The following MAGOHB variants were observed in gnomAD, a reference collection of about 807,000 sequenced individuals.
MAGOHB encodes the protein mago homolog B, exon junction complex subunit, also known as protein mago nashi homolog 2.
MAGOHB carries 15 observed loss-of-function variants against 20.9 expected under a neutral mutation model. The observed-to-expected ratio is 0.72, with a 90% CI of 0.48 to 1.11. The LOEUF is 1.11. Ranked by LOEUF, MAGOHB falls within the 50% of genes least tolerant of loss-of-function variation. MAGOHB has a pLI of 0.00. For synonymous variants in MAGOHB, 50 were observed against 57.9 expected (o/e 0.86, Z 0.62); for missense variants, 162 against 177.6 (o/e 0.91, Z 0.50).
chr12:10,605,024 A>T lies in MAGOHB; in HGVS notation c.*1251T>A, dbSNP rs920462004. The T allele has an allele frequency of 1.3e-5, 2 of 152,228 alleles. No homozygotes were observed. The highest frequency in any genetic ancestry group is 2.9e-5 in the Non-Finnish European group (2 of 68,036). 9.4% of individuals were successfully genotyped at this position (152,228 alleles called of 1,614,324 possible). A position where few individuals can be genotyped will look rare whatever the true frequency, so the allele number is the denominator to read the frequency against. ...AAAACCAAGATTTATTATAATAGAG[A>T]TATTACAGTAAAAAAGATGTTAAGT... On this transcript the variant is annotated 3_prime_UTR_variant, in exon 5 of 5. Coordinates refer to ENST00000320756, the MANE Select transcript of MAGOHB (RefSeq NM_018048.5).
intron 4 of MAGOHB, among the ~76,000 whole-genome samples, chr12:10,607,649 G>T (rs1401641981): frequency 1.3e-5 from 2 of 152,128 alleles, no homozygotes; most frequent in African/African-American, 2.4e-5. Flanking sequence ...TGGATTAAAA[G>T]TTTTTGGACA....
At chr12:10,612,257 G>A (rs1414415691) in intron 1 of MAGOHB, among the ~76,000 whole-genome samples, 1 of 145,316 alleles carries the variant, frequency 6.9e-6, no homozygotes, top group Non-Finnish European at 1.5e-5. Context: ...TAATTAGCTG[G>A]GTGAGGTGGC....
chr12:10,601,740 AT>A (rs955953920), downstream of MAGOHB, among the ~76,000 whole-genome samples: 1 of 152,254 alleles, frequency 6.6e-6, no homozygotes, highest in Non-Finnish European at 1.5e-5. Flanking sequence ...ATCTATAAAA[AT>A]TTGAACAAGT....
chr12:10,601,735 T>C (rs998833232), downstream of MAGOHB, among the ~76,000 whole-genome samples: 2 of 152,236 alleles, frequency 1.3e-5, no homozygotes, highest in Admixed American at 6.5e-5. Flanking sequence ...TTCTTATCTA[T>C]AAAAATTTGA....
intron 1 of MAGOHB, among the ~76,000 whole-genome samples, chr12:10,612,273 C>T (rs1865761984): frequency 6.6e-6 from 1 of 151,580 alleles, no homozygotes; most frequent in South Asian, 2.1e-4. Context: ...GTGGCGTGGG[C>T]CTGTATTCCC....
downstream of MAGOHB, among the ~76,000 whole-genome samples, chr12:10,599,943 A>G (rs1471900028): frequency 2.0e-5 from 3 of 152,194 alleles, no homozygotes; most frequent in African/African-American, 7.2e-5. Context: ...TGAAATGTCT[A>G]TGTATAAAAA....
chr12:10,611,153 A>G (rs1865727134), intron 1 of MAGOHB, among the ~76,000 whole-genome samples: 1 of 152,200 alleles, frequency 6.6e-6, no homozygotes, highest in Non-Finnish European at 1.5e-5. Context: ...TCAGATCTAG[A>G]TCTACTTTCT....
downstream of MAGOHB, among the ~76,000 whole-genome samples, chr12:10,601,995 G>A (rs1865559211): frequency 6.6e-6 from 1 of 152,186 alleles, no homozygotes; most frequent in African/African-American, 2.4e-5. Flanking sequence ...GGCTTGGCGT[G>A]CTAGTGCCAC....
At chr12:10,609,234 A>C in intron 3 of MAGOHB, 1 of 315,860 alleles carries the variant, frequency 3.2e-6, no homozygotes, top group Middle Eastern at 4.1e-4. Flanking sequence ...GGGATATACA[A>C]AAGTGAAATT....
At chr12:10,613,272 C>T (rs1865783528) in intron 1 of MAGOHB, among the ~76,000 whole-genome samples, 167 bp downstream of exon 1, 1 of 152,190 alleles carries the variant, frequency 6.6e-6, no homozygotes, top group Non-Finnish European at 1.5e-5. Context: ...TAATTTATTG[C>T]AATTAATTCT....
chr12:10,609,769 G>A, intron 3 of MAGOHB, 62 bp downstream of exon 3: 1 of 1,050,758 alleles, frequency 9.5e-7, no homozygotes, highest in Non-Finnish European at 1.4e-6. Context: ...TAAATAACGG[G>A]AAACAAAATA....
At chr12:10,608,085 T>C in intron 3 of MAGOHB, 149 bp from the exon 4 acceptor site, 1 of 558,404 alleles carries the variant, frequency 1.8e-6, no homozygotes, top group East Asian at 3.1e-5. Flanking sequence ...AAACATGGTT[T>C]CTTAGATATA....
At chr12:10,612,726 T>C in intron 1 of MAGOHB, 1 of 1,162,872 alleles carries the variant, frequency 8.6e-7, no homozygotes, top group South Asian at 1.7e-5. Context: ...AACTTTCTTG[T>C]TGCAGGTAGG....
At chr12:10,610,206 C>G (rs1446030440) in intron 2 of MAGOHB, among the ~76,000 whole-genome samples, 7 of 152,126 alleles carry the variant, frequency 4.6e-5, no homozygotes, top group Non-Finnish European at 1.0e-4. Context: ...ACACTGAGAT[C>G]CAAATACCCA....
chr12:10,612,589 C>T, intron 1 of MAGOHB: 1 of 894,044 alleles, frequency 1.1e-6, no homozygotes, highest in Non-Finnish European at 1.4e-6. Context: ...GTCTGTGCCT[C>T]CCACCAAGAC....
intron 1 of MAGOHB, among the ~76,000 whole-genome samples, chr12:10,611,500 A>C (rs112848248): frequency 0.016 from 2,363 of 152,038 alleles, 71 homozygotes; most frequent in African/African-American, 0.053. Flanking sequence ...TAATCCCAGC[A>C]ATTTGGGAGG....
Position 10,611,612 on chromosome 12 carries a change from G to T in MAGOHB, c.95-932C>A, listed in dbSNP as rs1865738527. Among the ~76,000 whole-genome samples the T allele has an allele frequency of 3.3e-5, 5 of 151,668 alleles. No homozygotes were observed. The South Asian group carries it at 1.0e-3, about 31-fold the overall frequency. On this transcript the variant is annotated intron_variant, in intron 1 of 4. Transcript: ENST00000320756. ...AAATACGAAAAAATAGCCAGGCATGGTGGCCCATGCCTGCAATCCCAGCTA... is the reference window on the plus strand; with the variant it reads ...AAATACGAAAAAATAGCCAGGCATGTTGGCCCATGCCTGCAATCCCAGCTA...
At chr12:10,600,214 ATTT>A (rs1384173673), downstream of MAGOHB, among the ~76,000 whole-genome samples, 1 of 151,836 alleles carries the variant, frequency 6.6e-6, no homozygotes, top group Non-Finnish European at 1.5e-5. Flanking sequence ...CTTACACAGT[ATTT>A]TTTATTTATT....
At chr12:10,606,907 T>C (rs1865639204) in intron 4 of MAGOHB, among the ~76,000 whole-genome samples, 1 of 152,128 alleles carries the variant, frequency 6.6e-6, no homozygotes, top group Admixed American at 6.6e-5. Flanking sequence ...TATTTAGGAA[T>C]AGTTCCATAG....
Sources: gnomAD v4.1 joint callset for allele counts (sites outside exome capture counted in the v4.1 genomes callset) on GRCh38, gnomAD v4.1.1 for gene constraint, MANE v1.5 for transcripts, NCBI Gene and HGNC (gene_info 2026-07-23, HGNC 2026-07-21) for gene names.